Variants in BRWD3 observed in about 807,000 individuals in gnomAD.
BRWD3 encodes bromodomain and WD repeat-containing protein 3.
A neutral mutation model predicts 149.7 loss-of-function variants in BRWD3; 10 were observed. That is an observed-to-expected ratio of 0.07 (90% confidence interval 0.04 to 0.11). The LOEUF is 0.11. BRWD3 is among the 10% of genes least tolerant of loss of function. The probability of loss-of-function intolerance (pLI) is 1.00; values close to 1 mark genes in which losing one functional copy is unlikely to be tolerated. For missense variants in BRWD3, 940 were observed against 1,373.2 expected (o/e 0.68, Z 4.99); for synonymous variants, 504 against 456.7 (o/e 1.10, Z -1.32).
intron 27 of BRWD3, among the ~76,000 whole-genome samples, chrX:80,693,615 GCTATGCTATAATAAAGACA>G (rs2072641780): frequency 8.9e-6 from 1 of 111,883 alleles, no homozygotes; most frequent in Non-Finnish European, 1.9e-5. Context: ...GGTCACTCAT[GCTATGCTATAATAAAGACA>G]CTGGCAGCAT....
chrX:80,724,090 G>T (rs754964654), intron 15 of BRWD3, among the ~76,000 whole-genome samples: 5 of 111,868 alleles, frequency 4.5e-5, no homozygotes, highest in African/African-American at 1.3e-4. Flanking sequence ...ATCATTGCTA[G>T]CAAGGACATA....
chrX:80,759,160 T>A (rs945656008), intron 6 of BRWD3, among the ~76,000 whole-genome samples: 1 of 112,042 alleles, frequency 8.9e-6, no homozygotes, highest in Non-Finnish European at 1.9e-5. Flanking sequence ...TTAGGTTTCT[T>A]AAAATGCTGC....
intron 6 of BRWD3, among the ~76,000 whole-genome samples, chrX:80,748,560 C>A (rs1366798504): frequency 8.9e-6 from 1 of 112,179 alleles, no homozygotes; most frequent in East Asian, 2.8e-4. Context: ...CCGACTCAAT[C>A]TCATTACTTG....
At chrX:80,712,721 C>T (rs1346948261) in intron 20 of BRWD3, among the ~76,000 whole-genome samples, 4 of 109,925 alleles carry the variant, frequency 3.6e-5, no homozygotes, top group African/African-American at 1.3e-4. Flanking sequence ...TCTTCCCGGC[C>T]GCCCATCGTC....
intron 16 of BRWD3, among the ~76,000 whole-genome samples, chrX:80,723,303 T>C (rs1343913209): frequency 2.8e-5 from 3 of 108,415 alleles, no homozygotes; most frequent in Non-Finnish European, 5.8e-5. Context: ...TCACAGCTAA[T>C]AAAACATAAA....
chrX:80,680,204 T>C (rs1324719172), intron 40 of BRWD3, among the ~76,000 whole-genome samples: 1 of 111,981 alleles, frequency 8.9e-6, no homozygotes, highest in Non-Finnish European at 1.9e-5. Flanking sequence ...TAGCTGAACA[T>C]GTTAGAACTT....
chrX:80,758,613 T>C (rs894666920), intron 6 of BRWD3, among the ~76,000 whole-genome samples: 2 of 110,703 alleles, frequency 1.8e-5, no homozygotes, highest in African/African-American at 6.6e-5. Context: ...CTCTGTGTAA[T>C]TTCCAGAGAG....
intron 40 of BRWD3, among the ~76,000 whole-genome samples, chrX:80,678,095 C>T (rs984104325): frequency 1.8e-5 from 2 of 111,400 alleles, no homozygotes; most frequent in Non-Finnish European, 3.8e-5. Flanking sequence ...AGTATGGTTG[C>T]TGTATATAAA....
chrX:80,696,594 G>C lies in BRWD3; in HGVS notation c.3068+145C>G, dbSNP rs1466288442. 1.7e-5 allele frequency: 10 copies of C among 577,426 alleles called. No individual in the cohort carries two copies. In the African/African-American group the frequency reaches 2.2e-4, roughly 13 times the overall value. The allele number at this position is 577,426 out of a possible 1,213,427, so 47.6% of individuals were successfully genotyped here. ...TAAATAAAACGGAGAAATAAACTAG[G>C]AATTAAACTCTGGTCTTTATAATTC... On this transcript the variant is annotated intron_variant, in intron 26 of 40. Coordinates refer to ENST00000373275, the MANE Select transcript of BRWD3 (RefSeq NM_153252.5).
chrX:80,746,837 A>C (rs1157821476), intron 6 of BRWD3: 1 of 749,427 alleles, frequency 1.3e-6, no homozygotes, highest in Non-Finnish European at 1.6e-6. Flanking sequence ...AAGAGCAATG[A>C]AGTCTTTCTT....
rs771801439 is a variant in BRWD3, at chrX:80,736,384, G to A, written c.814-296C>T. The stretch of plus-strand genomic sequence containing the variant: ...CACTTTAAGATTTTTAATCACTTTC[G>A]GTGGAGAATAAACTCACAAGCACAT... On this transcript the variant is annotated intron_variant, in intron 8 of 40. Coordinates refer to ENST00000373275, the MANE Select transcript of BRWD3 (RefSeq NM_153252.5). Among the ~76,000 whole-genome samples the A allele has an allele frequency of 2.1e-4, 23 of 110,741 alleles. No individual in the cohort carries two copies. The Middle Eastern group carries it at 0.014, about 67-fold the overall frequency.
At chrX:80,785,504 C>T (rs2074099414) in intron 6 of BRWD3, among the ~76,000 whole-genome samples, 1 of 111,797 alleles carries the variant, frequency 8.9e-6, no homozygotes, top group South Asian at 3.7e-4. Flanking sequence ...ACCTTCATTT[C>T]ATTAAACTAC....
intron 12 of BRWD3, among the ~76,000 whole-genome samples, chrX:80,730,388 CAAAAGAAAGAAAGAAA>C (rs2073307940): frequency 3.2e-5 from 1 of 31,210 alleles, no homozygotes; most frequent in Non-Finnish European, 6.6e-5. Context: ...TATTATTTAG[CAAAAGAAAGAAAGAAA>C]GAAAGAAAGA....
chrX:80,751,584 T>A (rs2073667801), intron 6 of BRWD3, among the ~76,000 whole-genome samples: 3 of 112,057 alleles, frequency 2.7e-5, no homozygotes, highest in Admixed American at 9.5e-5. Context: ...CTCATACAAA[T>A]TCATGGGCTA....
chrX:80,747,656 C>A (rs1344911637), intron 6 of BRWD3, among the ~76,000 whole-genome samples: 1 of 111,858 alleles, frequency 8.9e-6, no homozygotes, highest in Non-Finnish European at 1.9e-5. Flanking sequence ...AGCTCTTTCA[C>A]CTATACTTAA....
intron 6 of BRWD3, among the ~76,000 whole-genome samples, chrX:80,755,831 G>A (rs1671420362): frequency 9.0e-6 from 1 of 111,195 alleles, no homozygotes; most frequent in Admixed American, 9.6e-5. Flanking sequence ...AAAAAATTAG[G>A]GGTTACACAG....
intron 40 of BRWD3, among the ~76,000 whole-genome samples, 192 bp from the exon 41 acceptor site, chrX:80,677,555 G>A (rs1207541989): frequency 9.0e-6 from 1 of 111,517 alleles, no homozygotes; most frequent in Non-Finnish European, 1.9e-5. Context: ...TTGGGAGAGG[G>A]AGGAGAATAT....
intron 20 of BRWD3, among the ~76,000 whole-genome samples, chrX:80,714,219 C>CTTTTTTTT (rs987098536): frequency 1.3e-4 from 8 of 61,806 alleles, no homozygotes; most frequent in African/African-American, 3.9e-4. Flanking sequence ...AAACCTTCAT[C>CTTTTTTTT]TTTTTTTTTT....
At chrX:80,765,278 T>C (rs780135681) in intron 6 of BRWD3, among the ~76,000 whole-genome samples, 1 of 111,790 alleles carries the variant, frequency 8.9e-6, no homozygotes, top group South Asian at 3.8e-4. Context: ...ACCATATTGA[T>C]TGACACTGAC....
Sources: allele counts gnomAD v4.1 joint callset (sites outside exome capture counted in the v4.1 genomes callset), GRCh38; gene constraint gnomAD v4.1.1; transcripts MANE v1.5; gene names NCBI Gene and HGNC (gene_info 2026-07-23, HGNC 2026-07-21).